Variants in ARID1A observed in about 807,000 individuals in gnomAD.
The protein encoded by ARID1A is AT-rich interactive domain-containing protein 1A.
Under a neutral mutation model 212.6 loss-of-function variants are expected in ARID1A, and 20 were observed. The ratio of observed to expected loss-of-function variants is 0.09; its 90% CI spans 0.07 to 0.14. The LOEUF (loss-of-function observed/expected upper bound fraction) is 0.14, where lower values mean the gene tolerates loss of function less well. ARID1A is among the 10% of genes least tolerant of loss of function. The probability of loss-of-function intolerance (pLI) is 1.00; values close to 1 mark genes in which losing one functional copy is unlikely to be tolerated. For synonymous variants in ARID1A, 1,376 were observed against 1,222.1 expected (o/e 1.13, Z -2.63); for missense variants, 2,587 against 3,059.0 (o/e 0.85, Z 3.64).
intron 1 of ARID1A, among the ~76,000 whole-genome samples, chr1:26,714,344 A>T (rs1029510182): frequency 6.6e-6 from 1 of 152,216 alleles, no homozygotes; most frequent in Non-Finnish European, 1.5e-5. Flanking sequence ...CTGGTTTTCC[A>T]TCCAGGGAAT....
Position 26,696,513 on chromosome 1 carries a change from G to C in ARID1A, c.110G>C (p.Gly37Ala), listed in dbSNP as rs933617964. The change falls in exon 1 of 20, where the codon GGC (glycine) becomes GCC (alanine). Residue 37 changes from glycine (G) to alanine (A), a missense_variant. Transcript: ENST00000324856. ...AEQQQREEAGGEAAAAAAAER... is the reference protein window; with the variant it reads ...AEQQQREEAGAEAAAAAAAER... ...CAGCAGCAGCGGGAGGAGGCGGGGGGCGAGGCGGCGGCGGCGGCAGCGGCC... is the reference window on the plus strand; with the variant it reads ...CAGCAGCAGCGGGAGGAGGCGGGGGCCGAGGCGGCGGCGGCGGCAGCGGCC... 1.6e-6 allele frequency: 2 copies of C among 1,228,668 alleles called. No individual in the cohort carries two copies. Among genetic ancestry groups the C allele is most frequent in the South Asian group, 7.6e-5 (2 of 26,220 alleles). The allele number at this position is 1,228,668 out of a possible 1,614,324, so 76.1% of individuals were successfully genotyped here.
intron 1 of ARID1A, among the ~76,000 whole-genome samples, chr1:26,702,680 T>G (rs1257159051): frequency 6.6e-6 from 1 of 152,090 alleles, no homozygotes; most frequent in Non-Finnish European, 1.5e-5. Flanking sequence ...GGAAAAAGAC[T>G]TGGGGATAGG....
Position 26,701,179 on chromosome 1 carries a change from G to A in ARID1A, c.1137+3639G>A, listed in dbSNP as rs12027774. Among the ~76,000 whole-genome samples, 43 of 152,260 alleles carry A rather than the reference G, an allele frequency of 2.8e-4. No homozygotes were observed. The East Asian group carries it at 7.7e-3, about 27-fold the overall frequency. On this transcript the variant is annotated intron_variant, in intron 1 of 19. Coordinates refer to ENST00000324856, the MANE Select transcript of ARID1A (RefSeq NM_006015.6). ...AATAGGCTAACAAAGTAATAGGCAG[G>A]GCTCTTTCCTGTTCCCATCCCTCAA... is the stretch of plus-strand genomic sequence containing the variant.
rs2080283969 is a variant in ARID1A at position 26,697,507 on chromosome 1, C to T, written c.1104C>T (p.Gly368=). Residue 368 remains glycine, a synonymous_variant, in exon 1 of 20, where the codon GGC becomes GGT. Transcript: ENST00000324856. ...CGCCCATGAGCCCCGGGAGCAGCGG[C>T]GGCGGGGGGCAGCCGCTCGCCCGGA... ...HHAPMSPGSS[G]GGGQPLARTP... is the part of the protein sequence containing the mutation. The T allele has an allele frequency of 3.6e-6, 5 of 1,405,818 alleles. No homozygotes were observed. In the South Asian group the frequency reaches 4.6e-5, roughly 13 times the overall value. The allele number at this position is 1,405,818 out of a possible 1,614,324, so 87.1% of individuals were successfully genotyped here.
rs763623276 is a variant in ARID1A, at chr1:26,774,361, C to T, written c.4134C>T (p.Gly1378=). The stretch of plus-strand genomic sequence containing the variant: ...AGCGGCCAATGGATGGCACATATGG[C>T]CCTCCTGCCAAGCGGCACGAAGGGG... ...NYKRPMDGTY[G]PPAKRHEGEM... Residue 1378 remains glycine (G), a synonymous_variant, in exon 18 of 20, where the codon GGC becomes GGT. Transcript: ENST00000324856. The surrounding 1 kb of genome is among the most constrained non-coding windows in gnomAD (Gnocchi z 5.6). The T allele has an allele frequency of 1.2e-5, 18 of 1,558,162 alleles. No homozygotes were observed. Among genetic ancestry groups the T allele is most frequent in the Non-Finnish European group, 1.6e-5 (18 of 1,149,760 alleles).
intron 4 of ARID1A, among the ~76,000 whole-genome samples, chr1:26,744,541 G>T (rs925511418): frequency 6.6e-6 from 1 of 152,206 alleles, no homozygotes; most frequent in East Asian, 1.9e-4. Flanking sequence ...CAGCCCTGCT[G>T]TAGGAAGTTA....
intron 4 of ARID1A, among the ~76,000 whole-genome samples, chr1:26,748,734 G>T (rs2080859265): frequency 6.6e-6 from 1 of 151,750 alleles, no homozygotes; most frequent in Non-Finnish European, 1.5e-5. Context: ...GGGGCAGGGT[G>T]ACTGGTCGGG....
rs1345718044 is a variant in ARID1A, at chr1:26,696,788, A to T, written c.385A>T (p.Ser129Cys). 20 of 1,335,626 alleles carry T rather than the reference A, an allele frequency of 1.5e-5. No individual in the cohort carries two copies. Among genetic ancestry groups the T allele is most frequent in the African/African-American group, 3.1e-5 (2 of 64,228 alleles). 82.7% of individuals were successfully genotyped at this position (1,335,626 alleles called of 1,614,324 possible). A position where few individuals can be genotyped will look rare whatever the true frequency, so the allele number is the denominator to read the frequency against. The change falls in exon 1 of 20, where the codon AGC becomes TGC. Residue 129 changes from serine to cysteine, a missense_variant. Transcript: ENST00000324856. ...GCCCGGCGGCGGCGGTGGCGGCAGC[A>T]GCGATGGGGTGGGGGCGCCTCCTCA... ...EPPGGGGGGS[S>C]DGVGAPPHSA...
At chr1:26,763,348 T>C (rs2081010092) in intron 8 of ARID1A, 63 bp downstream of exon 8, 1 of 1,480,262 alleles carries the variant, frequency 6.8e-7, no homozygotes, top group Non-Finnish European at 9.0e-7. Flanking sequence ...CCACTCAGAT[T>C]ATTGAGATGC....
intron 4 of ARID1A, among the ~76,000 whole-genome samples, chr1:26,738,071 T>C (rs2080751525): frequency 6.6e-6 from 1 of 151,812 alleles, no homozygotes; most frequent in South Asian, 2.1e-4. Context: ...TCACCCAGGC[T>C]GGAGTGCAGT....
chr1:26,715,289 T>C (rs1353678475), intron 1 of ARID1A, among the ~76,000 whole-genome samples: 3 of 152,198 alleles, frequency 2.0e-5, no homozygotes, highest in African/African-American at 4.8e-5. Context: ...AGAACAAAAG[T>C]TGGAATGTGC....
At chr1:26,719,941 CAAAAAAAAA>C (rs1213565550) in intron 1 of ARID1A, among the ~76,000 whole-genome samples, 1 of 49,682 alleles carries the variant, frequency 2.0e-5, no homozygotes, top group Non-Finnish European at 3.9e-5. Flanking sequence ...AAGTCCGTCT[CAAAAAAAAA>C]AAAAAAAAAA....
rs182828301 is a variant in ARID1A, at chr1:26,760,291, T to C, written c.1921-565T>C. ...ATATTGTCTGACTACTGTTGCACTATAGTGTCAGAGTTGAGTAGTTTTGAA... is the reference window on the plus strand; with the variant it reads ...ATATTGTCTGACTACTGTTGCACTACAGTGTCAGAGTTGAGTAGTTTTGAA... On this transcript the variant is annotated intron_variant, in intron 4 of 19. Coordinates refer to ENST00000324856, the MANE Select transcript of ARID1A (RefSeq NM_006015.6). 5.0e-4 allele frequency among the ~76,000 whole-genome samples: 76 copies of C among 152,318 alleles called. 1 individual carries two copies. The highest frequency in any genetic ancestry group is 1.8e-3 in the African/African-American group (73 of 41,566).
chr1:26,775,811 T>C (rs2081129636), intron 19 of ARID1A, 104 bp downstream of exon 19: 1 of 1,534,700 alleles, frequency 6.5e-7, no homozygotes, highest in Admixed American at 1.8e-5. Context: ...TCTTTCTCTC[T>C]TGTAGATATC....
intron 1 of ARID1A, among the ~76,000 whole-genome samples, chr1:26,698,983 C>A (rs755555518): frequency 6.6e-6 from 1 of 152,156 alleles, no homozygotes; most frequent in Non-Finnish European, 1.5e-5. Flanking sequence ...TTTGGAATAG[C>A]AGCTTAATTT....
chr1:26,758,456 G>T (rs1472921362), intron 4 of ARID1A, among the ~76,000 whole-genome samples: 2 of 151,982 alleles, frequency 1.3e-5, no homozygotes, highest in African/African-American at 2.4e-5. Context: ...GCGCCTGCCT[G>T]TACACACACA....
At chr1:26,743,892 AT>A (rs1183165507) in intron 4 of ARID1A, among the ~76,000 whole-genome samples, 1 of 151,988 alleles carries the variant, frequency 6.6e-6, no homozygotes, top group Non-Finnish European at 1.5e-5. Context: ...CACAGTCCTT[AT>A]CTAGGTTTTT....
intron 4 of ARID1A, among the ~76,000 whole-genome samples, chr1:26,759,122 G>T (rs1460483076): frequency 6.6e-6 from 1 of 152,210 alleles, no homozygotes; most frequent in Admixed American, 6.5e-5. Context: ...TTGTTTGTGT[G>T]AGCAGGAATA....
intron 4 of ARID1A, among the ~76,000 whole-genome samples, chr1:26,755,173 T>C (rs1347787368): frequency 1.3e-5 from 2 of 152,080 alleles, no homozygotes; most frequent in African/African-American, 4.8e-5. Context: ...TTGTAGAAAA[T>C]TGGGTAACTT....
Sources: allele counts gnomAD v4.1 joint callset (sites outside exome capture counted in the v4.1 genomes callset), GRCh38; gene constraint gnomAD v4.1.1; non-coding constraint Gnocchi (gnomAD v3.1); transcripts MANE v1.5; gene names NCBI Gene and HGNC (gene_info 2026-07-23, HGNC 2026-07-21).